SNCAIP: variants seen among roughly 807,000 people sequenced by gnomAD.
SNCAIP encodes synuclein alpha interacting protein, also known as synphilin-1.
In SNCAIP, 43 loss-of-function variants were observed where a neutral mutation model predicts 86.7. The observed-to-expected ratio is 0.50, with a 90% CI of 0.39 to 0.64. The LOEUF is 0.64. Ranked by LOEUF, SNCAIP falls within the 30% of genes least tolerant of loss-of-function variation. The pLI is 0.00. For synonymous variants in SNCAIP, 417 were observed against 427.2 expected, an observed-to-expected ratio of 0.98 and a Z score of 0.29; for missense variants, 981 against 1,103.1, an observed-to-expected ratio of 0.89 and a Z score of 1.57.
chr5:122,367,059 G>T (rs967028991), intron 1 of SNCAIP, among the ~76,000 whole-genome samples: 3 of 152,110 alleles, frequency 2.0e-5, no homozygotes, highest in African/African-American at 7.2e-5. Flanking sequence ...TCCAGGGATG[G>T]TACCCAAGTC....
rs781243961 is a variant in SNCAIP at position 122,440,709 on chromosome 5, T to A, written c.1377T>A (p.Ser459Arg). The change falls in exon 7 of 11, where the codon AGT (serine) becomes AGA (arginine). Residue 459 changes from serine to arginine, a missense_variant. Ser to Arg is a moderately radical substitution (Grantham distance 110). Transcript: ENST00000261368. ...SLDEVDQDGN[S>R]AVHVASQHGY... The stretch of plus-strand genomic sequence containing the variant: ...ATGAAGTAGACCAGGATGGCAACAG[T>A]GCCGTTCACGTAGCCTCACAGCATG... 16 of 1,614,074 alleles carry A rather than the reference T, an allele frequency of 9.9e-6. No individual in the cohort carries two copies. Among genetic ancestry groups the A allele is most frequent in the Non-Finnish European group, 1.4e-5 (16 of 1,179,926 alleles).
chr5:122,380,756 G>T (rs938850430), intron 1 of SNCAIP, among the ~76,000 whole-genome samples: 1 of 151,476 alleles, frequency 6.6e-6, no homozygotes, highest in African/African-American at 2.4e-5. Context: ...GTTCTCGTTG[G>T]TTTCAAAGAA....
At chr5:122,376,961 A>G (rs1272766862) in intron 1 of SNCAIP, among the ~76,000 whole-genome samples, 6 of 152,138 alleles carry the variant, frequency 3.9e-5, no homozygotes, top group Non-Finnish European at 7.4e-5. Context: ...CTTCTCTCAG[A>G]GGACTTCTAT....
In SNCAIP at chr5:122,398,764, C is replaced by T. The variant is rs76032871; in HGVS notation, c.58-5029C>T. Reference sequence around the variant, plus strand: ...ACCATTTGAGTAATGTCTGCTCATTCGCTTAGTCGGCTCCAGTTTTCAGGA... The same window carrying T: ...ACCATTTGAGTAATGTCTGCTCATTTGCTTAGTCGGCTCCAGTTTTCAGGA... On this transcript the variant is annotated intron_variant, in intron 2 of 10. Transcript: ENST00000261368. Among the ~76,000 whole-genome samples, 792 of 152,218 alleles carry T rather than the reference C, an allele frequency of 5.2e-3. 5 individuals are homozygous for T. Among genetic ancestry groups the T allele is most frequent in the Non-Finnish European group, 8.5e-3 (580 of 68,010 alleles).
At chr5:122,412,276 A>G (rs1305279409) in intron 3 of SNCAIP, among the ~76,000 whole-genome samples, 1 of 152,110 alleles carries the variant, frequency 6.6e-6, no homozygotes, top group East Asian at 1.9e-4. Context: ...TTAAAAAGTC[A>G]TGGGAAACTC....
Position 122,423,300 on chromosome 5 carries a change from C to T in SNCAIP, c.563C>T (p.Ser188Phe). The part of the protein sequence containing the change: ...LGLCTTINGL[S>F]GKACSTGSSE... ...TTATGCACAACCATCAATGGCCTTT[C>T]TGGCAAAGCCTGCTCTACAGGAAGT... The change falls in exon 4 of 11, where the codon TCT (serine) becomes TTT (phenylalanine). Residue 188 changes from serine to phenylalanine, a missense_variant. Physicochemically the swap from Ser to Phe is radical, Grantham distance 155. Coordinates refer to ENST00000261368, the MANE Select transcript of SNCAIP (RefSeq NM_005460.4). The T allele has an allele frequency of 6.2e-7, 1 of 1,614,206 alleles. No individual in the cohort carries two copies.
chr5:122,368,770 G>A (rs902542198), intron 1 of SNCAIP, among the ~76,000 whole-genome samples: 1 of 152,080 alleles, frequency 6.6e-6, no homozygotes, highest in Non-Finnish European at 1.5e-5. Context: ...CCATTTAATT[G>A]CTCTGGCCCC....
At chr5:122,433,159 T>C (rs1778746351) in intron 6 of SNCAIP, among the ~76,000 whole-genome samples, 1 of 150,022 alleles carries the variant, frequency 6.7e-6, no homozygotes, top group South Asian at 2.1e-4. Context: ...ATAATATATA[T>C]TACATAAAAA....
chr5:122,383,936 G>C (rs937574971), intron 1 of SNCAIP, among the ~76,000 whole-genome samples: 1 of 152,224 alleles, frequency 6.6e-6, no homozygotes, highest in South Asian at 2.1e-4. Context: ...TTATAGACTA[G>C]TTCAGGGATA....
chr5:122,448,327 A>G lies in SNCAIP; in HGVS notation c.1593-1518A>G, dbSNP rs140759911. Among the ~76,000 whole-genome samples the G allele has an allele frequency of 2.4e-3, 369 of 151,956 alleles. 2 individuals carry two copies. Among genetic ancestry groups the G allele is most frequent in the African/African-American group, 8.4e-3 (348 of 41,432 alleles). On this transcript the variant is annotated intron_variant, in intron 8 of 10. Coordinates refer to ENST00000261368, the MANE Select transcript of SNCAIP (RefSeq NM_005460.4). ...AAGATTAGTGGCTTAAAACAGCATC[A>G]AATTTATCTTACAGTTCTGTGGGTC... is the stretch of plus-strand genomic sequence containing the variant.
rs370073718 is a variant in SNCAIP, at chr5:122,444,691, G to T, written c.1551G>T (p.Ser517=). ...RYLVVVETCM[S]LASQVVKLTK... ...TGGTGGTGGTGGAGACCTGCATGTC[G>T]CTGGCCTCTCAAGTGGTGAAGTTAA... is the stretch of plus-strand genomic sequence containing the variant. The change falls in exon 8 of 11, where the codon TCG becomes TCT. Residue 517 remains serine (S), a synonymous_variant. Coordinates refer to ENST00000261368, the MANE Select transcript of SNCAIP (RefSeq NM_005460.4). 52 of 1,613,806 alleles carry T rather than the reference G, an allele frequency of 3.2e-5. No individual in the cohort carries two copies. The highest frequency in any genetic ancestry group is 4.1e-5 in the Non-Finnish European group (48 of 1,179,866).
At chr5:122,372,303 T>C (rs1309582039) in intron 1 of SNCAIP, among the ~76,000 whole-genome samples, 1 of 152,204 alleles carries the variant, frequency 6.6e-6, no homozygotes, top group Non-Finnish European at 1.5e-5. Flanking sequence ...ATTTGCCAGT[T>C]TCCATGGTGT....
chr5:122,447,205 G>A (rs556434586), intron 8 of SNCAIP, among the ~76,000 whole-genome samples: 1 of 152,304 alleles, frequency 6.6e-6, no homozygotes, highest in Non-Finnish European at 1.5e-5. Flanking sequence ...GCAAGGAACA[G>A]CTTCTCCTCA....
At chr5:122,323,420 T>C (rs1001833295) in intron 1 of SNCAIP, 1 of 152,236 alleles carries the variant, frequency 6.6e-6, no homozygotes, top group African/African-American at 2.4e-5. Context: ...CAGATTGATT[T>C]GGTGAGAAGG....
chr5:122,371,811 A>G (rs1764324326), intron 1 of SNCAIP: 1 of 152,228 alleles, frequency 6.6e-6, no homozygotes, highest in South Asian at 2.1e-4. Flanking sequence ...AGATTAAATC[A>G]GATTAAAATT....
Position 122,423,314 on chromosome 5 carries a change from T to C in SNCAIP, c.577T>C (p.Ser193Pro), listed in dbSNP as rs1191422054. 6.2e-7 allele frequency: 1 copy of C among 1,614,202 alleles called. No individual in the cohort carries two copies. Among genetic ancestry groups the C allele is most frequent in the Admixed American group, 1.7e-5 (1 of 60,026 alleles). Residue 193 changes from serine (S) to proline (P), a missense_variant, in exon 4 of 11, where the codon TCT (serine) becomes CCT (proline). Coordinates refer to ENST00000261368, the MANE Select transcript of SNCAIP (RefSeq NM_005460.4). ...TINGLSGKAC[S>P]TGSSESSSSN... Reference sequence around the variant, plus strand: ...CAATGGCCTTTCTGGCAAAGCCTGCTCTACAGGAAGTTCTGAGAGCTCATC... The same window carrying C: ...CAATGGCCTTTCTGGCAAAGCCTGCCCTACAGGAAGTTCTGAGAGCTCATC...
At chr5:122,335,571 C>G (rs758026498) in intron 1 of SNCAIP, among the ~76,000 whole-genome samples, 1 of 152,160 alleles carries the variant, frequency 6.6e-6, no homozygotes, top group African/African-American at 2.4e-5. Flanking sequence ...ACATCAGGTT[C>G]TCCAGGAAAC....
intron 5 of SNCAIP, among the ~76,000 whole-genome samples, chr5:122,425,939 C>T (rs867515898): frequency 2.8e-4 from 42 of 152,202 alleles, no homozygotes; most frequent in African/African-American, 8.4e-4. Context: ...ACAAAGTGGG[C>T]GCTTAACGGA....
At position 122,431,993 on chromosome 5, in the gene SNCAIP, T is replaced by C; in HGVS notation, c.1207T>C (p.Trp403Arg). Residue 403 changes from tryptophan to arginine, a missense_variant, in exon 6 of 11, where the codon TGG (tryptophan) becomes CGG (arginine). Physicochemically the swap from Trp to Arg is moderately radical, Grantham distance 101. Coordinates refer to ENST00000261368, the MANE Select transcript of SNCAIP (RefSeq NM_005460.4). ...GAATGGTCAGTTGGAGTGCGTACGC[T>C]GGATGGTGAGCGAAACAGAAGCCAT... The part of the protein sequence containing the change: ...IKNGQLECVR[W>R]MVSETEAIAE... 1 of 1,596,792 alleles carries C rather than the reference T, an allele frequency of 6.3e-7. No individual in the cohort carries two copies. Among genetic ancestry groups the C allele is most frequent in the Non-Finnish European group, 8.6e-7 (1 of 1,164,484 alleles).
Sources: gnomAD v4.1 joint callset for allele counts (sites outside exome capture counted in the v4.1 genomes callset) on GRCh38, gnomAD v4.1.1 for gene constraint, MANE v1.5 for transcripts, NCBI Gene and HGNC (gene_info 2026-07-23, HGNC 2026-07-21) for gene names.